The following VPS13B variants were observed in gnomAD, a reference collection of about 807,000 sequenced individuals.
VPS13B encodes intermembrane lipid transfer protein VPS13B.
VPS13B carries 285 observed loss-of-function variants against 426.4 expected under a neutral mutation model. The ratio of observed to expected loss-of-function variants is 0.67; its 90% CI spans 0.61 to 0.74. The LOEUF is 0.74. Among genes scored for constraint, VPS13B ranks in the 30% least tolerant of loss-of-function variants. VPS13B has a pLI of 0.00. For synonymous variants in VPS13B, 1,676 were observed against 1,676.4 expected, an observed-to-expected ratio of 1.00 and a Z score of 0.01; for missense variants, 4,537 against 4,782.6, an observed-to-expected ratio of 0.95 and a Z score of 1.51.
chr8:99,019,780 C>G (rs1021553887), intron 2 of VPS13B, among the ~76,000 whole-genome samples: 2 of 152,186 alleles, frequency 1.3e-5, no homozygotes, highest in Non-Finnish European at 2.9e-5. Flanking sequence ...AGCACAATGT[C>G]TCAAAAAGCT....
chr8:99,244,848 T>A (rs1817127768), intron 17 of VPS13B, among the ~76,000 whole-genome samples: 1 of 152,166 alleles, frequency 6.6e-6, no homozygotes, highest in Non-Finnish European at 1.5e-5. Flanking sequence ...AATGAGTACC[T>A]CATGACTGAA....
At chr8:99,611,838 A>G (rs1827855667) in intron 33 of VPS13B, among the ~76,000 whole-genome samples, 1 of 152,094 alleles carries the variant, frequency 6.6e-6, no homozygotes, top group African/African-American at 2.4e-5. Flanking sequence ...ATTTTTCTGT[A>G]AAGAAATACA....
chr8:99,192,898 A>G lies in VPS13B; in HGVS notation c.2356A>G (p.Ile786Val), dbSNP rs202052403. 266 of 1,613,346 alleles carry G rather than the reference A, an allele frequency of 1.6e-4. 1 individual carries two copies. The highest frequency in any genetic ancestry group is 2.4e-4 in the African/African-American group (18 of 75,050). The change falls in exon 17 of 62, where the codon ATA (isoleucine) becomes GTA (valine). Residue 786 changes from isoleucine (I) to valine (V), a missense_variant. Ile to Val is a conservative substitution (Grantham distance 29). This residue lies in a region of VPS13B where 4,311 missense variants were observed against 4,474.3 expected (regional missense o/e 0.96). Coordinates refer to ENST00000357162, the MANE Select transcript of VPS13B (RefSeq NM_152564.5). ...TCWTKRSQIA[I>V]TEGIFELPNL... is the part of the protein sequence containing the mutation. ...CAGGACCAAAAGATCTCAGATTGCTATAACTGAAGGTATATTTGAACTTCC... is the reference window on the plus strand; with the variant it reads ...CAGGACCAAAAGATCTCAGATTGCTGTAACTGAAGGTATATTTGAACTTCC...
At chr8:99,806,843 G>T (rs895256612) in intron 43 of VPS13B, among the ~76,000 whole-genome samples, 2 of 152,202 alleles carry the variant, frequency 1.3e-5, no homozygotes, top group African/African-American at 4.8e-5. Context: ...AGGTGTCTGT[G>T]CATATCTGAG....
At chr8:99,450,092 C>T (rs1235622257) in intron 23 of VPS13B, among the ~76,000 whole-genome samples, 1 of 152,072 alleles carries the variant, frequency 6.6e-6, no homozygotes, top group Admixed American at 6.5e-5. Context: ...CATAAGCCAA[C>T]GTGCCCAGCA....
chr8:99,477,462 A>T (rs1045274865), intron 24 of VPS13B, among the ~76,000 whole-genome samples: 4 of 152,254 alleles, frequency 2.6e-5, no homozygotes, highest in Non-Finnish European at 5.9e-5. Flanking sequence ...TCAGAATATT[A>T]TATAGACCCA....
intron 3 of VPS13B, among the ~76,000 whole-genome samples, chr8:99,040,862 A>G (rs897335751): frequency 6.6e-5 from 10 of 152,220 alleles, no homozygotes; most frequent in African/African-American, 2.4e-4. Flanking sequence ...AGATAAGATC[A>G]TTCCAAAAAT....
At chr8:99,329,312 A>G (rs1405609858) in intron 19 of VPS13B, among the ~76,000 whole-genome samples, 1 of 152,140 alleles carries the variant, frequency 6.6e-6, no homozygotes, top group Non-Finnish European at 1.5e-5. Context: ...CAGCTATAGT[A>G]TATTACAATC....
Position 99,661,037 on chromosome 8 carries a change from C to T in VPS13B, c.5909-317C>T, listed in dbSNP as rs890789967. Among the ~76,000 whole-genome samples the T allele has an allele frequency of 1.3e-5, 2 of 151,880 alleles. 1 individual carries two copies. The highest frequency in any genetic ancestry group is 1.3e-4 in the Admixed American group (2 of 15,246). On this transcript the variant is annotated intron_variant, in intron 34 of 61. Transcript: ENST00000357162. ...TTTAATATCACATTTTAAAAAATAT[C>T]CAACCATTAAACTGTAAACAGCAGC...
At position 99,720,944 on chromosome 8, in the gene VPS13B, A is replaced by G. The variant is rs386834104; in HGVS notation, c.6947A>G (p.Tyr2316Cys). 4.3e-6 allele frequency: 7 copies of G among 1,613,786 alleles called. No individual in the cohort carries two copies. The highest frequency in any genetic ancestry group is 2.5e-6 in the Non-Finnish European group (3 of 1,179,836). Residue 2316 changes from tyrosine (Y) to cysteine (C), a missense_variant, in exon 39 of 62, where the codon TAT becomes TGT. Coordinates refer to ENST00000357162, the MANE Select transcript of VPS13B (RefSeq NM_152564.5). ...TGCCCAGGGATGATGTTATGGAGAT[A>G]TCCAGAACCTAGAGTACTCACCCTT... is the stretch of plus-strand genomic sequence containing the variant. The part of the protein sequence containing the change: ...EDCPGMMLWR[Y>C]PEPRVLTLVR...
intron 23 of VPS13B, among the ~76,000 whole-genome samples, chr8:99,454,429 T>A (rs1478322150): frequency 6.6e-6 from 1 of 152,172 alleles, no homozygotes; most frequent in Non-Finnish European, 1.5e-5. Context: ...CTTGGCCTCC[T>A]AAAACACTGG....
intron 3 of VPS13B, among the ~76,000 whole-genome samples, chr8:99,082,483 C>A (rs549015514): frequency 2.6e-5 from 4 of 152,154 alleles, no homozygotes; most frequent in Middle Eastern, 3.4e-3. Flanking sequence ...CCCATTTGTC[C>A]ATTTTGGCTT....
chr8:99,266,350 T>G (rs2132966340), intron 17 of VPS13B, among the ~76,000 whole-genome samples: 1 of 151,986 alleles, frequency 6.6e-6, no homozygotes, highest in Non-Finnish European at 1.5e-5. Context: ...AGCTCGATAT[T>G]ACAGTGAGCT....
At chr8:99,229,649 C>T (rs1189986328) in intron 17 of VPS13B, among the ~76,000 whole-genome samples, 3 of 151,948 alleles carry the variant, frequency 2.0e-5, no homozygotes, top group Admixed American at 1.3e-4. Flanking sequence ...TATAAAGGAC[C>T]GTTACGGGCA....
Position 99,511,238 on chromosome 8 carries a change from T to C in VPS13B, c.4359T>C (p.Ser1453=), listed in dbSNP as rs1187402533. 1.2e-6 allele frequency: 2 copies of C among 1,614,134 alleles called. No individual in the cohort carries two copies. Among genetic ancestry groups the C allele is most frequent in the Non-Finnish European group, 1.7e-6 (2 of 1,180,004 alleles). The part of the protein sequence containing the change: ...RNERRSFHKL[S]EGLMDGSPHF... ...AGCGAAGAAGTTTTCATAAGTTATC[T>C]GAAGGCCTAATGGATGGTTCTCCTC... The change falls in exon 29 of 62, where the codon TCT becomes TCC. Residue 1453 remains serine (S), a synonymous_variant. Transcript: ENST00000357162.
chr8:99,312,178 A>C (rs1821023824), intron 19 of VPS13B, among the ~76,000 whole-genome samples: 1 of 152,086 alleles, frequency 6.6e-6, no homozygotes, highest in Non-Finnish European at 1.5e-5. Context: ...ATTTAAGGTT[A>C]ATATTGTTAT....
At chr8:99,342,203 C>T (rs1291693928) in intron 19 of VPS13B, among the ~76,000 whole-genome samples, 2 of 152,168 alleles carry the variant, frequency 1.3e-5, no homozygotes, top group Non-Finnish European at 2.9e-5. Flanking sequence ...TAAATCAAGA[C>T]AATTAACATA....
At chr8:99,309,940 A>G (rs1419789133) in intron 19 of VPS13B, among the ~76,000 whole-genome samples, 1 of 152,178 alleles carries the variant, frequency 6.6e-6, no homozygotes, top group Non-Finnish European at 1.5e-5. Context: ...TTCTCTTTGA[A>G]GAAATTGTGA....
At chr8:99,329,411 T>C (rs1251265167) in intron 19 of VPS13B, among the ~76,000 whole-genome samples, 2 of 152,126 alleles carry the variant, frequency 1.3e-5, no homozygotes, top group East Asian at 3.8e-4. Flanking sequence ...AAGAACATTG[T>C]GGTCTATATA....
Sources: allele counts gnomAD v4.1 joint callset (sites outside exome capture counted in the v4.1 genomes callset), GRCh38; gene constraint gnomAD v4.1.1; regional missense constraint gnomAD v4.1.1; transcripts MANE v1.5; gene names NCBI Gene and HGNC (gene_info 2026-07-23, HGNC 2026-07-21).